The following QTMAN variants were observed in gnomAD, a reference collection of about 807,000 sequenced individuals.
QTMAN encodes tRNA-queuosine alpha-mannosyltransferase.
the QTMAN span, among the ~76,000 whole-genome samples, chr2:143,958,770 A>C: frequency 7.4e-5 from 9 of 122,216 alleles, no homozygotes; most frequent in Non-Finnish European, 1.2e-4. Flanking sequence ...GGTGATTTTT[A>C]TTTCTTTCTT....
the QTMAN span, chr2:144,145,502 T>C: frequency 8.6e-7 from 1 of 1,159,064 alleles, no homozygotes; most frequent in Non-Finnish European, 1.2e-6. Flanking sequence ...GGTCTCCAGA[T>C]TTAAAACGTA....
At chr2:144,218,153 TAAA>T in the QTMAN span, among the ~76,000 whole-genome samples, 3 of 152,166 alleles carry the variant, frequency 2.0e-5, no homozygotes, top group Non-Finnish European at 4.4e-5. Flanking sequence ...TTATCAGACA[TAAA>T]AAATTACTTC....
chr2:143,941,498 C>T, the QTMAN span: 1 of 152,108 alleles, frequency 6.6e-6, no homozygotes, highest in Non-Finnish European at 1.5e-5. Flanking sequence ...CATGGTGAAA[C>T]CCCGTCTCTA....
the QTMAN span, among the ~76,000 whole-genome samples, chr2:144,113,191 T>C: frequency 6.6e-6 from 1 of 151,562 alleles, no homozygotes; most frequent in Non-Finnish European, 1.5e-5. Context: ...ATAAAATGAT[T>C]CAAGAAATAA....
At chr2:144,189,680 T>C in the QTMAN span, among the ~76,000 whole-genome samples, 1 of 151,888 alleles carries the variant, frequency 6.6e-6, no homozygotes, top group Non-Finnish European at 1.5e-5. Context: ...AGTCCAGCGG[T>C]GCGATCTCGG....
chr2:144,029,192 A>C, the QTMAN span, among the ~76,000 whole-genome samples: 1 of 152,210 alleles, frequency 6.6e-6, no homozygotes. Flanking sequence ...CTATGTCTCA[A>C]TAAATTCATT....
the QTMAN span, among the ~76,000 whole-genome samples, chr2:144,179,531 T>C: frequency 4.6e-5 from 7 of 152,142 alleles, no homozygotes; most frequent in African/African-American, 1.2e-4. Flanking sequence ...TTCCTAAAAG[T>C]AGCCAATAGT....
chr2:144,318,551 T>A, the QTMAN span, among the ~76,000 whole-genome samples: 2 of 152,230 alleles, frequency 1.3e-5, no homozygotes, highest in Non-Finnish European at 2.9e-5. Flanking sequence ...TGATCTCTAA[T>A]CTGACTTGTA....
chr2:144,050,317 GA>G, the QTMAN span, among the ~76,000 whole-genome samples: 63 of 145,620 alleles, frequency 4.3e-4, no homozygotes, highest in Non-Finnish European at 6.4e-4. Flanking sequence ...CAGGAACGGT[GA>G]AAAAAAAAAC....
chr2:144,080,590 TCACA>T, the QTMAN span, among the ~76,000 whole-genome samples: 2 of 152,182 alleles, frequency 1.3e-5, no homozygotes, highest in African/African-American at 2.4e-5. Flanking sequence ...AATCAAAGCC[TCACA>T]CAGATTAAAA....
the QTMAN span, among the ~76,000 whole-genome samples, chr2:144,054,383 T>A: frequency 6.6e-6 from 1 of 152,116 alleles, no homozygotes; most frequent in African/African-American, 2.4e-5. Flanking sequence ...CCCCAGAATG[T>A]AAGAGCTGGT....
At chr2:144,157,152 T>G in the QTMAN span, among the ~76,000 whole-genome samples, 13 of 152,076 alleles carry the variant, frequency 8.5e-5, no homozygotes, top group African/African-American at 3.1e-4. Context: ...TTTGAAAAAC[T>G]TTATTTACAG....
the QTMAN span, among the ~76,000 whole-genome samples, chr2:144,056,206 T>C: frequency 6.6e-6 from 1 of 152,238 alleles, no homozygotes. Context: ...CTGCCACATA[T>C]TTAGGTTTTT....
the QTMAN span, among the ~76,000 whole-genome samples, chr2:144,161,213 C>G: frequency 1.3e-5 from 2 of 152,042 alleles, no homozygotes; most frequent in Non-Finnish European, 2.9e-5. Context: ...TATTTATGAC[C>G]AAAAGCTTCC....
the QTMAN span, among the ~76,000 whole-genome samples, chr2:144,019,811 T>A: frequency 6.6e-6 from 1 of 152,134 alleles, no homozygotes; most frequent in Non-Finnish European, 1.5e-5. Flanking sequence ...CCTATTTGGC[T>A]CCCAGAGAGC....
At chr2:144,088,597 A>T in the QTMAN span, among the ~76,000 whole-genome samples, 1 of 152,142 alleles carries the variant, frequency 6.6e-6, no homozygotes, top group Non-Finnish European at 1.5e-5. Flanking sequence ...TAAACAGAAC[A>T]GCATGGTATT....
At chr2:144,284,354 T>C in the QTMAN span, among the ~76,000 whole-genome samples, 1 of 152,136 alleles carries the variant, frequency 6.6e-6, no homozygotes, top group Non-Finnish European at 1.5e-5. Flanking sequence ...AATCTTAAAA[T>C]GGTATGATAC....
At chr2:144,062,608 C>T in the QTMAN span, among the ~76,000 whole-genome samples, 1 of 152,174 alleles carries the variant, frequency 6.6e-6, no homozygotes, top group Admixed American at 6.5e-5. Context: ...CTGCATTTTA[C>T]TAAGGGCTTT....
the QTMAN span, among the ~76,000 whole-genome samples, chr2:144,125,216 G>T: frequency 6.6e-6 from 1 of 151,814 alleles, no homozygotes; most frequent in African/African-American, 2.4e-5. Flanking sequence ...GTATGAACAT[G>T]TGAGTTTTTT....
Sources: gnomAD v4.1 joint callset for allele counts (sites outside exome capture counted in the v4.1 genomes callset) on GRCh38, gnomAD v4.1.1 for gene constraint, MANE v1.5 for transcripts, NCBI Gene and HGNC (gene_info 2026-07-23, HGNC 2026-07-21) for gene names.